Variants in LSAMP observed in about 807,000 individuals in gnomAD.
The protein encoded by LSAMP is limbic system-associated membrane protein.
Under a neutral mutation model 38.6 loss-of-function variants are expected in LSAMP, and 7 were observed. That is an observed-to-expected ratio of 0.18 (90% confidence interval 0.10 to 0.34). The LOEUF (loss-of-function observed/expected upper bound fraction) is 0.34. LSAMP is among the 10% of genes least tolerant of loss of function. The pLI is 1.00. For synonymous variants in LSAMP, 154 were observed against 166.8 expected (o/e 0.92, Z 0.59); for missense variants, 313 against 420.0 (o/e 0.75, Z 2.23).
chr3:116,282,819 A>T (rs1216495062), intron 1 of LSAMP, among the ~76,000 whole-genome samples: 1 of 151,818 alleles, frequency 6.6e-6, no homozygotes, highest in African/African-American at 2.4e-5. Context: ...TGAGACCTAA[A>T]CAGAAGCTGA....
At chr3:116,303,901 A>ACTT (rs2047447723) in intron 1 of LSAMP, among the ~76,000 whole-genome samples, 3 of 152,264 alleles carry the variant, frequency 2.0e-5, no homozygotes, top group Admixed American at 2.0e-4. Context: ...AGCCAAAAGA[A>ACTT]CTTCAGGAAC....
chr3:116,371,495 A>G (rs2048429029), intron 1 of LSAMP, among the ~76,000 whole-genome samples: 1 of 152,120 alleles, frequency 6.6e-6, no homozygotes, highest in African/African-American at 2.4e-5. Flanking sequence ...TCCTTTTACA[A>G]CAAAAACAAT....
At chr3:115,951,220 G>A (rs1444680858) in intron 3 of LSAMP, among the ~76,000 whole-genome samples, 3 of 152,110 alleles carry the variant, frequency 2.0e-5, no homozygotes, top group Non-Finnish European at 4.4e-5. Flanking sequence ...TAGGCAAAGA[G>A]TTCATAACCA....
chr3:115,874,508 A>G (rs1022018340), intron 3 of LSAMP, among the ~76,000 whole-genome samples: 1 of 152,134 alleles, frequency 6.6e-6, no homozygotes, highest in Non-Finnish European at 1.5e-5. Flanking sequence ...TAAGATTTGT[A>G]AAGTCTCTGC....
At chr3:116,280,003 T>A (rs1004761500) in intron 1 of LSAMP, among the ~76,000 whole-genome samples, 15 of 152,258 alleles carry the variant, frequency 9.9e-5, no homozygotes, top group African/African-American at 2.6e-4. Context: ...ATGTCTGTAA[T>A]ACAGGCATTT....
chr3:116,269,169 G>A (rs2046936549), intron 1 of LSAMP, among the ~76,000 whole-genome samples: 1 of 152,078 alleles, frequency 6.6e-6, no homozygotes, highest in Non-Finnish European at 1.5e-5. Flanking sequence ...AAGGGAACAT[G>A]ATGAAGAGAT....
intron 1 of LSAMP, among the ~76,000 whole-genome samples, chr3:116,113,213 ATT>A (rs886076709): frequency 1.3e-5 from 2 of 149,094 alleles, no homozygotes; most frequent in African/African-American, 2.5e-5. Flanking sequence ...GACATTCAGA[ATT>A]TTTTTTTTAA....
chr3:116,426,930 A>C (rs2049204423), intron 1 of LSAMP, among the ~76,000 whole-genome samples: 1 of 151,834 alleles, frequency 6.6e-6, no homozygotes, highest in African/African-American at 2.4e-5. Flanking sequence ...AAGAAACTTG[A>C]AAACAAAAAT....
chr3:116,349,960 T>C (rs1172309501), intron 1 of LSAMP, among the ~76,000 whole-genome samples: 1 of 152,126 alleles, frequency 6.6e-6, no homozygotes, highest in Non-Finnish European at 1.5e-5. Context: ...TATATGCGAA[T>C]ATACCAAGTT....
At chr3:116,203,658 T>C (rs1193272378) in intron 1 of LSAMP, among the ~76,000 whole-genome samples, 1 of 151,294 alleles carries the variant, frequency 6.6e-6, no homozygotes, top group Non-Finnish European at 1.5e-5. Context: ...TGTTTGGTTT[T>C]TTTGTTCTTG....
chr3:116,354,876 T>C (rs1015971129), intron 1 of LSAMP, among the ~76,000 whole-genome samples: 1 of 149,778 alleles, frequency 6.7e-6, no homozygotes, highest in Admixed American at 6.7e-5. Flanking sequence ...TGTGTGTGTG[T>C]GTGCATGTGT....
intron 1 of LSAMP, among the ~76,000 whole-genome samples, chr3:116,385,627 T>C (rs970840878): frequency 6.6e-6 from 1 of 152,158 alleles, no homozygotes; most frequent in Admixed American, 6.5e-5. Flanking sequence ...TCTATTATTA[T>C]TAAGAGACTC....
chr3:115,954,715 G>T (rs1938398898), intron 3 of LSAMP, among the ~76,000 whole-genome samples: 1 of 152,152 alleles, frequency 6.6e-6, no homozygotes, highest in Non-Finnish European at 1.5e-5. Context: ...CTAGAGCCCA[G>T]CATTTATTAG....
intron 1 of LSAMP, among the ~76,000 whole-genome samples, chr3:116,346,300 AT>A (rs568332277): frequency 0.011 from 1,560 of 146,312 alleles, 31 homozygotes; most frequent in African/African-American, 0.038. Context: ...AGGAAACATG[AT>A]TTTTTTTTCT....
intron 3 of LSAMP, among the ~76,000 whole-genome samples, chr3:115,902,937 A>G (rs1239607333): frequency 6.6e-6 from 1 of 152,148 alleles, no homozygotes; most frequent in East Asian, 1.9e-4. Context: ...CAGTGTGGCA[A>G]TTCCTCAAAG....
In LSAMP at chr3:116,252,070, C is replaced by T. The variant is rs139062131; in HGVS notation, c.156-165514G>A. The stretch of plus-strand genomic sequence containing the variant: ...TCCTTGTGTCAGCTCTCGTTAGGAG[C>T]GTCTCTGCTCCTCTCACTGTTGGCT... On this transcript the variant is annotated intron_variant, in intron 1 of 6. Coordinates refer to ENST00000490035, the MANE Select transcript of LSAMP (RefSeq NM_002338.5). 6.6e-4 allele frequency among the ~76,000 whole-genome samples: 101 copies of T among 152,286 alleles called. 1 individual carries two copies. The East Asian group carries it at 0.011, about 17-fold the overall frequency.
chr3:115,936,329 G>A (rs1307644605), intron 3 of LSAMP, among the ~76,000 whole-genome samples: 1 of 152,204 alleles, frequency 6.6e-6, no homozygotes, highest in Non-Finnish European at 1.5e-5. Context: ...GACTAGCATG[G>A]ATTTGGGTTG....
At chr3:116,229,484 G>A (rs1172380410) in intron 1 of LSAMP, among the ~76,000 whole-genome samples, 3 of 152,004 alleles carry the variant, frequency 2.0e-5, no homozygotes, top group African/African-American at 7.2e-5. Flanking sequence ...TAATTCAGTC[G>A]TTCGGAACTG....
intron 6 of LSAMP, among the ~76,000 whole-genome samples, chr3:115,832,910 T>C (rs1934662388): frequency 6.6e-6 from 1 of 152,198 alleles, no homozygotes; most frequent in Non-Finnish European, 1.5e-5. Context: ...CAGACTGTTT[T>C]TCAGTATCCG....
Sources: gnomAD v4.1 joint callset for allele counts (sites outside exome capture counted in the v4.1 genomes callset) on GRCh38, gnomAD v4.1.1 for gene constraint, MANE v1.5 for transcripts, NCBI Gene and HGNC (gene_info 2026-07-23, HGNC 2026-07-21) for gene names.